Variants in ZNF567 observed in about 807,000 individuals in gnomAD.
ZNF567 encodes zinc finger protein 567.
ZNF567 carries 36 observed loss-of-function variants against 53.9 expected under a neutral mutation model. That is an observed-to-expected ratio of 0.67 (90% confidence interval 0.51 to 0.88). ZNF567 has a LOEUF of 0.88. Ranked by LOEUF, ZNF567 falls within the 40% of genes least tolerant of loss-of-function variation. ZNF567 has a pLI of 0.00. For synonymous variants in ZNF567, 224 were observed against 260.4 expected (o/e 0.86, Z 1.35); for missense variants, 619 against 764.7 (o/e 0.81, Z 2.25).
the ZNF567 span, among the ~76,000 whole-genome samples, chr19:36,673,679 CACACAG>C: frequency 3.2e-4 from 49 of 152,176 alleles, no homozygotes; most frequent in East Asian, 6.0e-3. Context: ...TGCATGCATA[CACACAG>C]ACACAGACAC....
Position 36,712,487 on chromosome 19 carries a change from A to C in ZNF567, c.111A>C (p.Glu37Asp). 6.2e-7 allele frequency: 1 copy of C among 1,614,100 alleles called. No individual in the cohort carries two copies. The highest frequency in any genetic ancestry group is 2.2e-5 in the East Asian group (1 of 44,870). ...CTCTATATATGGATGTGATGTTGGAAAACTATTGCCACCTCATCTCTGTGG... is the reference window on the plus strand; with the variant it reads ...CTCTATATATGGATGTGATGTTGGACAACTATTGCCACCTCATCTCTGTGG... Reference protein sequence around the residue: ...QKTLYMDVMLENYCHLISVGC... With the variant: ...QKTLYMDVMLDNYCHLISVGC... The change falls in exon 4 of 6, where the codon GAA becomes GAC. Residue 37 changes from glutamate to aspartate, a missense_variant. By Grantham distance (45) the Glu-to-Asp change is conservative. Coordinates refer to ENST00000682579, the MANE Select transcript of ZNF567 (RefSeq NM_001322917.1).
At chr19:36,697,508 T>G (rs1303923191) in intron 3 of ZNF567, among the ~76,000 whole-genome samples, 1 of 152,178 alleles carries the variant, frequency 6.6e-6, no homozygotes, top group Non-Finnish European at 1.5e-5. Context: ...CAATGTTGAG[T>G]AGAAGTTCTA....
chr19:36,683,459 A>G (rs1195427925), upstream of ZNF567, among the ~76,000 whole-genome samples: 2 of 152,232 alleles, frequency 1.3e-5, no homozygotes, highest in African/African-American at 2.4e-5. Context: ...TCTGAAGCCC[A>G]TATTTTATTA....
At chr19:36,684,332 AAT>A (rs1196207055), upstream of ZNF567, among the ~76,000 whole-genome samples, 1 of 152,200 alleles carries the variant, frequency 6.6e-6, no homozygotes, top group Non-Finnish European at 1.5e-5. Flanking sequence ...AGCTTTTTTT[AAT>A]ATTCTCCAAT....
downstream of ZNF567, chr19:36,723,250 C>T (rs1429019377): frequency 3.3e-5 from 23 of 702,746 alleles, no homozygotes; most frequent in Non-Finnish European, 4.7e-5. Context: ...ATTTGGGGAA[C>T]ATGTGAGTCA....
chr19:36,713,733 G>C (rs900145750), intron 5 of ZNF567, among the ~76,000 whole-genome samples: 1 of 152,172 alleles, frequency 6.6e-6, no homozygotes. Flanking sequence ...TCAGGAGTTT[G>C]AAACCAACCT....
In ZNF567 at chr19:36,720,536, T is replaced by C. The variant is rs1226449810; in HGVS notation, c.1812T>C (p.Leu604=). 6.2e-7 allele frequency: 1 copy of C among 1,613,496 alleles called. No homozygotes were observed. The stretch of plus-strand genomic sequence containing the variant: ...AGTGCTTCCGCCAGAAGACAAATCT[T>C]ATTGTACATCAGAGAACTCACACAG... ...CGKCFRQKTN[L]IVHQRTHTGE... is the part of the protein sequence containing the mutation. The change falls in exon 6 of 6, where the codon CTT becomes CTC. Residue 604 remains leucine (L), a synonymous_variant. Transcript: ENST00000682579.
chr19:36,697,604 ATTTTTTTTTCTTTT>A (rs1207524973), intron 3 of ZNF567, among the ~76,000 whole-genome samples: 2 of 147,440 alleles, frequency 1.4e-5, no homozygotes, highest in Admixed American at 1.4e-4. Flanking sequence ...TAGGATTAGG[ATTTTTTTTTCTTTT>A]TTTTTTTTTC....
intron 5 of ZNF567, among the ~76,000 whole-genome samples, chr19:36,716,452 T>C (rs1022120987): frequency 6.6e-6 from 1 of 152,210 alleles, no homozygotes; most frequent in Non-Finnish European, 1.5e-5. Flanking sequence ...TGAATAGTCA[T>C]ATAATTTCAT....
chr19:36,678,286 C>T, the ZNF567 span, among the ~76,000 whole-genome samples: 1 of 152,156 alleles, frequency 6.6e-6, no homozygotes, highest in Non-Finnish European at 1.5e-5. Context: ...ACCATCATGC[C>T]TCTGTGTCAG....
At chr19:36,676,537 T>C in the ZNF567 span, among the ~76,000 whole-genome samples, 1 of 152,188 alleles carries the variant, frequency 6.6e-6, no homozygotes, top group South Asian at 2.1e-4. Context: ...CTCAGGGTCC[T>C]GTGGGACTTA....
chr19:36,703,936 A>C (rs558986825), intron 3 of ZNF567, among the ~76,000 whole-genome samples: 2 of 152,186 alleles, frequency 1.3e-5, no homozygotes, highest in Non-Finnish European at 2.9e-5. Flanking sequence ...CGCTGCACCC[A>C]CTGTCCTGCG....
chr19:36,722,223 C>T (rs941732675), downstream of ZNF567, among the ~76,000 whole-genome samples: 11 of 152,136 alleles, frequency 7.2e-5, no homozygotes, highest in Admixed American at 2.6e-4. Flanking sequence ...ATTGCAGGTC[C>T]TTCTTGGGAA....
At position 36,721,041 on chromosome 19, in the gene ZNF567, A is replaced by G. The variant is rs1325963791; in HGVS notation, c.*373A>G. On this transcript the variant is annotated 3_prime_UTR_variant, in exon 6 of 6. Coordinates refer to ENST00000682579, the MANE Select transcript of ZNF567 (RefSeq NM_001322917.1). Reference sequence around the variant, plus strand: ...TTGCACTCTGTAATAAAAAGCAGTTAGTTGTTACTTACCTAAGAGTTACCA... The same window carrying G: ...TTGCACTCTGTAATAAAAAGCAGTTGGTTGTTACTTACCTAAGAGTTACCA... 1 of 153,946 alleles carries G rather than the reference A, an allele frequency of 6.5e-6. No individual in the cohort carries two copies. Among genetic ancestry groups the G allele is most frequent in the Non-Finnish European group, 1.4e-5 (1 of 69,234 alleles). 9.5% of individuals were successfully genotyped at this position (153,946 alleles called of 1,614,324 possible).
chr19:36,706,265 A>C (rs2039480742), intron 3 of ZNF567, among the ~76,000 whole-genome samples: 1 of 152,184 alleles, frequency 6.6e-6, no homozygotes, highest in Non-Finnish European at 1.5e-5. Context: ...CCTACTTCGT[A>C]ATACTATCAC....
intron 3 of ZNF567, among the ~76,000 whole-genome samples, chr19:36,696,008 C>G (rs955603710): frequency 1.3e-5 from 2 of 152,118 alleles, no homozygotes; most frequent in African/African-American, 4.8e-5. Flanking sequence ...TCTTCTCTAC[C>G]TTCAGTTTTG....
the ZNF567 span, among the ~76,000 whole-genome samples, chr19:36,679,122 TAA>T: frequency 9.2e-5 from 14 of 151,824 alleles, no homozygotes; most frequent in South Asian, 4.2e-4. Flanking sequence ...CCGTCTCTAA[TAA>T]AAATACAAAA....
At chr19:36,709,107 C>T (rs1266497807) in intron 3 of ZNF567, among the ~76,000 whole-genome samples, 1 of 151,996 alleles carries the variant, frequency 6.6e-6, no homozygotes, top group African/African-American at 2.4e-5. Context: ...GTCTGTAGTC[C>T]ACAGGCCAAA....
At chr19:36,724,421 G>A (rs560666020), downstream of ZNF567, among the ~76,000 whole-genome samples, 1 of 151,736 alleles carries the variant, frequency 6.6e-6, no homozygotes, top group African/African-American at 2.4e-5. Context: ...GGTGGCTCAT[G>A]CCTGTAATCC....
Sources: gnomAD v4.1 joint callset for allele counts (sites outside exome capture counted in the v4.1 genomes callset) on GRCh38, gnomAD v4.1.1 for gene constraint, MANE v1.5 for transcripts, NCBI Gene and HGNC (gene_info 2026-07-23, HGNC 2026-07-21) for gene names.